Variants in LRRK1 observed in about 807,000 individuals in gnomAD.
The protein encoded by LRRK1 is leucine-rich repeat serine/threonine-protein kinase 1.
A neutral mutation model predicts 209.1 loss-of-function variants in LRRK1; 113 were observed. That is an observed-to-expected ratio of 0.54 (90% CI 0.46 to 0.63). The LOEUF (loss-of-function observed/expected upper bound fraction) is 0.63. LRRK1 is among the 30% of genes least tolerant of loss of function. The pLI is 0.00. For synonymous variants in LRRK1, 1,144 were observed against 1,099.7 expected (o/e 1.04, Z -0.80); for missense variants, 2,284 against 2,632.2 (o/e 0.87, Z 2.89).
intron 17 of LRRK1, among the ~76,000 whole-genome samples, chr15:101,026,895 T>C (rs1346285030): frequency 6.6e-6 from 1 of 152,042 alleles, no homozygotes; most frequent in East Asian, 1.9e-4. Context: ...GCTTTGCCCT[T>C]GAGAAAGTCC....
At chr15:101,051,987 C>A (rs1431221536) in intron 24 of LRRK1, 27 bp downstream of exon 24, 2 of 1,606,324 alleles carry the variant, frequency 1.2e-6, no homozygotes, top group Non-Finnish European at 8.5e-7. Flanking sequence ...CCTCCCAGAA[C>A]ACAGTGCAGG....
chr15:101,052,109 T>A, intron 24 of LRRK1, 149 bp downstream of exon 24: 1 of 947,442 alleles, frequency 1.1e-6, no homozygotes, highest in Non-Finnish European at 1.5e-6. Flanking sequence ...ACCTTTTAGG[T>A]TCCCATCCTC....
At chr15:100,964,432 C>T (rs932914363) in intron 2 of LRRK1, among the ~76,000 whole-genome samples, 2 of 152,196 alleles carry the variant, frequency 1.3e-5, no homozygotes, top group African/African-American at 2.4e-5. Flanking sequence ...AGGGCGAGCC[C>T]CCAAAGTGCC....
At chr15:100,928,284 C>T (rs372075687) in intron 2 of LRRK1, among the ~76,000 whole-genome samples, 2 of 152,188 alleles carry the variant, frequency 1.3e-5, no homozygotes, top group Non-Finnish European at 2.9e-5. Context: ...GGAATAAATG[C>T]GGAATACTTG....
intron 2 of LRRK1, 57 bp from the exon 3 acceptor site, chr15:100,973,747 C>G: frequency 8.0e-7 from 1 of 1,249,592 alleles, no homozygotes; most frequent in South Asian, 3.2e-5. Context: ...CGGTGATTCT[C>G]AAGAGCACGC....
intron 20 of LRRK1, among the ~76,000 whole-genome samples, chr15:101,031,053 G>A (rs769504873): frequency 2.0e-5 from 3 of 152,100 alleles, no homozygotes; most frequent in Non-Finnish European, 4.4e-5. Context: ...ATAGTCTCCC[G>A]TCTCCTCCAG....
rs2036722924 is a variant in LRRK1 at position 101,069,865 on chromosome 15, C to T, written c.*1017C>T. ...GATACAACAGCAAACATTTTATAAA[C>T]TATGCACATGCATTACACACATGCA... On this transcript the variant is annotated 3_prime_UTR_variant, in exon 34 of 34. Transcript: ENST00000388948. The T allele has an allele frequency of 2.0e-5, 3 of 152,380 alleles. No homozygotes were observed. Among genetic ancestry groups the T allele is most frequent in the Admixed American group, 2.0e-4 (3 of 15,284 alleles). 9.4% of individuals were successfully genotyped at this position (152,380 alleles called of 1,614,324 possible).
chr15:100,949,480 A>G (rs765889353), intron 2 of LRRK1, among the ~76,000 whole-genome samples: 1 of 152,146 alleles, frequency 6.6e-6, no homozygotes, highest in Non-Finnish European at 1.5e-5. Flanking sequence ...AACTTCACAA[A>G]CTCTTCCAAA....
chr15:101,031,985 T>C (rs1385917521), intron 20 of LRRK1, among the ~76,000 whole-genome samples: 1 of 152,186 alleles, frequency 6.6e-6, no homozygotes. Flanking sequence ...CCGCCTGCCT[T>C]GGCCTCCCAA....
chr15:100,959,149 T>A (rs946609748), intron 2 of LRRK1, among the ~76,000 whole-genome samples: 3 of 152,204 alleles, frequency 2.0e-5, no homozygotes, highest in Admixed American at 2.0e-4. Flanking sequence ...ATTCTCCTCC[T>A]CTTTTGCTGG....
intron 2 of LRRK1, among the ~76,000 whole-genome samples, chr15:100,927,194 C>T (rs769306296): frequency 1.3e-5 from 2 of 152,184 alleles, no homozygotes; most frequent in African/African-American, 2.4e-5. Flanking sequence ...AGGGATCCCC[C>T]GTTGATTCTT....
Position 101,027,815 on chromosome 15 carries a change from AG to A in LRRK1, c.2686+20del. ...GCAGTCAGGTGGGTGGGGCTGGGGT[AG>A]GTGGCAGGGTGCCCGTGAGAAATGG... On this transcript the variant is annotated intron_variant, in intron 19 of 33. Coordinates refer to ENST00000388948, the MANE Select transcript of LRRK1 (RefSeq NM_024652.6). The surrounding 1 kb of genome is among the most constrained non-coding windows in gnomAD (Gnocchi z 5.1). 6.4e-7 allele frequency: 1 copy of A among 1,554,988 alleles called. No homozygotes were observed. Among genetic ancestry groups the A allele is most frequent in the Non-Finnish European group, 8.7e-7 (1 of 1,147,722 alleles).
Position 101,014,487 on chromosome 15 carries a change from G to C in LRRK1, c.1532+59G>C, listed in dbSNP as rs536520941. On this transcript the variant is annotated intron_variant, in intron 11 of 33. Transcript: ENST00000388948. ...AAAGCGTGTGTGGGGCCACGGTCGA[G>C]CAGGTCCTCTGAATGGTGGCATGTG... 3.1e-4 allele frequency: 363 copies of C among 1,162,000 alleles called. 2 individuals carry two copies. Among genetic ancestry groups the C allele is most frequent in the South Asian group, 2.1e-3 (167 of 80,416 alleles). 72.0% of individuals were successfully genotyped at this position (1,162,000 alleles called of 1,614,324 possible).
At chr15:100,945,095 T>A (rs1433419325) in intron 2 of LRRK1, among the ~76,000 whole-genome samples, 1 of 152,210 alleles carries the variant, frequency 6.6e-6, no homozygotes, top group African/African-American at 2.4e-5. Flanking sequence ...CACGGGCATT[T>A]GGGCGATTCC....
chr15:101,014,147 G>T (rs529505044), intron 10 of LRRK1, among the ~76,000 whole-genome samples, 169 bp from the exon 11 acceptor site: 1 of 152,090 alleles, frequency 6.6e-6, no homozygotes, highest in Non-Finnish European at 1.5e-5. Context: ...ATATCATTTC[G>T]TGAGTTTGAA....
chr15:100,988,765 G>C lies in LRRK1; in HGVS notation c.565G>C (p.Glu189Gln), dbSNP rs746264958. Residue 189 changes from glutamate (E) to glutamine (Q), a missense_variant, in exon 5 of 34, where the codon GAG (glutamate) becomes CAG (glutamine). By Grantham distance (29) the Glu-to-Gln change is conservative. Coordinates refer to ENST00000388948, the MANE Select transcript of LRRK1 (RefSeq NM_024652.6). Reference protein sequence around the residue: ...DPESYAVRKNEFPVIVRLPLY... With the variant: ...DPESYAVRKNQFPVIVRLPLY... Reference sequence around the variant, plus strand: ...GGAGAGCTACGCTGTCAGGAAGAATGAGTTCCCTGTCATCGTGCGCTTGCC... The same window carrying C: ...GGAGAGCTACGCTGTCAGGAAGAATCAGTTCCCTGTCATCGTGCGCTTGCC... 5 of 1,612,618 alleles carry C rather than the reference G, an allele frequency of 3.1e-6. No homozygotes were observed. In the East Asian group the frequency reaches 1.1e-4, roughly 36 times the overall value.
intron 2 of LRRK1, among the ~76,000 whole-genome samples, chr15:100,944,445 A>G (rs974509765): frequency 1.3e-5 from 2 of 152,108 alleles, no homozygotes; most frequent in African/African-American, 2.4e-5. Flanking sequence ...GCAAGCTTTC[A>G]CTTCTGTTCA....
Position 101,074,529 on chromosome 15 carries a change from C to G in LRRK1, c.*5681C>G, listed in dbSNP as rs2141177184. 6.6e-6 allele frequency: 1 copy of G among 152,268 alleles called. No homozygotes were observed. The allele number at this position is 152,268 out of a possible 1,614,324, so 9.4% of individuals were successfully genotyped here. On this transcript the variant is annotated 3_prime_UTR_variant, in exon 34 of 34. Transcript: ENST00000388948. ...CTGAGACACTTTACGGCCCTAGACC[C>G]TAAAAGCCCAAAAGGCCGTCTTATT...
At chr15:100,989,533 A>G (rs1026131019) in intron 6 of LRRK1, 135 bp downstream of exon 6, 10 of 893,344 alleles carry the variant, frequency 1.1e-5, no homozygotes, top group Non-Finnish European at 1.7e-5. Flanking sequence ...GTCCAAGAGC[A>G]TAGTGCTGGT....
Sources: gnomAD v4.1 joint callset for allele counts (sites outside exome capture counted in the v4.1 genomes callset) on GRCh38, gnomAD v4.1.1 for gene constraint, Gnocchi (gnomAD v3.1) non-coding constraint, MANE v1.5 for transcripts, NCBI Gene and HGNC (gene_info 2026-07-23, HGNC 2026-07-21) for gene names.